EPB41L5: variants seen among roughly 807,000 people sequenced by gnomAD.
EPB41L5 encodes the protein band 4.1-like protein 5.
A neutral mutation model predicts 106.6 loss-of-function variants in EPB41L5; 55 were observed. The observed-to-expected ratio is 0.52, with a 90% CI of 0.42 to 0.65. The LOEUF is 0.65. Ranked by LOEUF, EPB41L5 falls within the 30% of genes least tolerant of loss-of-function variation. The probability of loss-of-function intolerance (pLI) is 0.00; values close to 1 mark genes in which losing one functional copy is unlikely to be tolerated. For synonymous variants in EPB41L5, 297 were observed against 306.7 expected (o/e 0.97, Z 0.33); for missense variants, 871 against 882.1 (o/e 0.99, Z 0.16).
intron 10 of EPB41L5, among the ~76,000 whole-genome samples, chr2:120,079,116 T>G (rs2105333250): frequency 6.6e-6 from 1 of 152,298 alleles, no homozygotes; most frequent in East Asian, 1.9e-4. Flanking sequence ...TTCTAAAAGC[T>G]GAGAATCAGG....
At chr2:120,152,861 A>G in intron 20 of EPB41L5, among the ~76,000 whole-genome samples, 1 of 152,248 alleles carries the variant, frequency 6.6e-6, no homozygotes, top group South Asian at 2.1e-4. Context: ...CATTTCACCT[A>G]GGTGATTTAA....
At chr2:120,089,530 T>C (rs1169847716) in intron 11 of EPB41L5, among the ~76,000 whole-genome samples, 2 of 152,176 alleles carry the variant, frequency 1.3e-5, no homozygotes, top group Non-Finnish European at 2.9e-5. Flanking sequence ...TTGTGTAATA[T>C]GAATAAACAA....
intron 17 of EPB41L5, among the ~76,000 whole-genome samples, chr2:120,130,677 A>G (rs546099811): frequency 6.6e-6 from 1 of 152,340 alleles, no homozygotes; most frequent in East Asian, 1.9e-4. Context: ...TTTAAAAACT[A>G]CCAGTGCCAG....
At chr2:120,166,937 C>T (rs1308397643) in intron 22 of EPB41L5, among the ~76,000 whole-genome samples, 2 of 152,164 alleles carry the variant, frequency 1.3e-5, no homozygotes, top group Admixed American at 6.5e-5. Context: ...ATCAAAGGCC[C>T]TGTGAACCAG....
intron 10 of EPB41L5, among the ~76,000 whole-genome samples, chr2:120,082,872 G>T (rs148147667): frequency 0.01 from 1,557 of 152,210 alleles, 40 homozygotes; most frequent in Admixed American, 0.054. Context: ...GTCTATTCTA[G>T]ATTTTTTGTT....
At position 120,091,583 on chromosome 2, in the gene EPB41L5, AC is replaced by A; in HGVS notation, c.1074del (p.Asn359IlefsTer24). On this transcript the variant is annotated frameshift_variant, in exon 13 of 25. Coordinates refer to ENST00000263713, the MANE Select transcript of EPB41L5 (RefSeq NM_020909.4). LOFTEE classifies it high-confidence loss of function. ...GAAAACAGAGTATCAGACCACAAAA[AC>A]CAATAAAGCAAGAAGATCAACATCC... is the stretch of plus-strand genomic sequence containing the variant. The part of the protein sequence containing the change: ...SGKTEYQTTK[T>X]NKARRSTSFE... 1 of 1,613,872 alleles carries A rather than the reference AC, an allele frequency of 6.2e-7. No individual in the cohort carries two copies. Among genetic ancestry groups the A allele is most frequent in the Non-Finnish European group, 8.5e-7 (1 of 1,179,852 alleles).
At chr2:120,117,983 C>T (rs1235408750) in intron 16 of EPB41L5, among the ~76,000 whole-genome samples, 1 of 152,052 alleles carries the variant, frequency 6.6e-6, no homozygotes, top group Non-Finnish European at 1.5e-5. Flanking sequence ...TCACTGTTTA[C>T]TTTTAGTATT....
intron 10 of EPB41L5, among the ~76,000 whole-genome samples, chr2:120,079,746 A>C (rs1000332259): frequency 1.3e-5 from 2 of 151,946 alleles, no homozygotes; most frequent in Non-Finnish European, 2.9e-5. Flanking sequence ...CCTTTAAATT[A>C]CCTGCCTTTG....
At chr2:120,108,895 C>T (rs779709274) in intron 16 of EPB41L5, among the ~76,000 whole-genome samples, 7 of 152,162 alleles carry the variant, frequency 4.6e-5, no homozygotes, top group Admixed American at 6.6e-5. Context: ...TTTGAAATTT[C>T]ACAATCATGT....
intron 18 of EPB41L5, among the ~76,000 whole-genome samples, chr2:120,137,422 A>G (rs1438183886): frequency 1.3e-5 from 2 of 152,060 alleles, no homozygotes; most frequent in Non-Finnish European, 2.9e-5. Context: ...ATAAAATAAA[A>G]AGTTGCTTTG....
chr2:120,103,545 A>G (rs976640002), intron 16 of EPB41L5, among the ~76,000 whole-genome samples: 1 of 152,066 alleles, frequency 6.6e-6, no homozygotes, highest in Non-Finnish European at 1.5e-5. Flanking sequence ...TAGATTTTTT[A>G]TTTTTAGTGC....
At position 120,026,855 on chromosome 2, in the gene EPB41L5, AT is replaced by A. The variant is rs1423484578; in HGVS notation, c.180+7592del. On this transcript the variant is annotated intron_variant, in intron 2 of 24. Transcript: ENST00000263713. ...ATTATATATCTGATAAGGAACTTGT[AT>A]CTAGGCTATATAAAGAACACCCAAT... 2.0e-5 allele frequency among the ~76,000 whole-genome samples: 3 copies of A among 152,242 alleles called. No individual in the cohort carries two copies. The East Asian group carries it at 5.8e-4, about 29-fold the overall frequency.
At chr2:120,107,196 C>G (rs987363796) in intron 16 of EPB41L5, among the ~76,000 whole-genome samples, 1 of 151,926 alleles carries the variant, frequency 6.6e-6, no homozygotes, top group Admixed American at 6.6e-5. Context: ...TTCATCGTGC[C>G]CCAGTGGTGG....
intron 20 of EPB41L5, among the ~76,000 whole-genome samples, chr2:120,147,142 G>T (rs1422530510): frequency 6.6e-6 from 1 of 152,170 alleles, no homozygotes; most frequent in Non-Finnish European, 1.5e-5. Flanking sequence ...GAGGCCAGCA[G>T]TTTGAGACTA....
chr2:120,041,891 G>T (rs987514032), intron 2 of EPB41L5, 115 bp from the exon 3 acceptor site: 7 of 616,742 alleles, frequency 1.1e-5, no homozygotes, highest in African/African-American at 9.3e-5. Flanking sequence ...TAATACTTTT[G>T]GTATTGCAAG....
chr2:120,078,436 A>G, intron 9 of EPB41L5, 57 bp from the exon 10 acceptor site: 1 of 1,114,688 alleles, frequency 9.0e-7, no homozygotes, highest in East Asian at 2.5e-5. Context: ...AAGTTGTGTC[A>G]ATGTGAAACC....
intron 3 of EPB41L5, among the ~76,000 whole-genome samples, chr2:120,053,872 G>T (rs1231290462): frequency 6.6e-6 from 1 of 152,094 alleles, no homozygotes; most frequent in African/African-American, 2.4e-5. Flanking sequence ...GACCAGCCTG[G>T]GCAACTTGGC....
intron 20 of EPB41L5, among the ~76,000 whole-genome samples, chr2:120,150,872 G>A (rs1686641597): frequency 6.6e-6 from 1 of 151,950 alleles, no homozygotes; most frequent in Non-Finnish European, 1.5e-5. Flanking sequence ...TTGTTTTGAC[G>A]AAGTCTAATT....
At chr2:120,026,920 A>G (rs1281522334) in intron 2 of EPB41L5, among the ~76,000 whole-genome samples, 1 of 152,242 alleles carries the variant, frequency 6.6e-6, no homozygotes, top group Non-Finnish European at 1.5e-5. Context: ...CATTTCTCCA[A>G]ATAGGTTATA....
Sources: gnomAD v4.1 joint callset for allele counts (sites outside exome capture counted in the v4.1 genomes callset) on GRCh38, gnomAD v4.1.1 for gene constraint, MANE v1.5 for transcripts, NCBI Gene and HGNC (gene_info 2026-07-23, HGNC 2026-07-21) for gene names.